Variants in POLR1C observed in about 807,000 individuals in gnomAD.
The protein encoded by POLR1C is DNA-directed RNA polymerases I and III subunit RPAC1.
POLR1C carries 42 observed loss-of-function variants against 38.3 expected under a neutral mutation model. The observed-to-expected ratio is 1.10, with a 90% confidence interval of 0.86 to 1.42. POLR1C has a LOEUF of 1.42. Among genes scored for constraint, POLR1C ranks in the 40% most tolerant of loss-of-function variants. The pLI is 0.00. For missense variants in POLR1C, 507 were observed against 450.5 expected, an observed-to-expected ratio of 1.13 and a Z score of -1.14; for synonymous variants, 163 against 163.9, an observed-to-expected ratio of 0.99 and a Z score of 0.04.
At chr6:43,533,324 G>A (rs1794120782), downstream of POLR1C, 1 of 151,346 alleles carries the variant, frequency 6.6e-6, no homozygotes, top group African/African-American at 2.4e-5. Flanking sequence ...ATTTATAATT[G>A]AATGGCTGTA....
chr6:43,549,411 T>G, intron 9 of POLR1C: 1 of 1,395,396 alleles, frequency 7.2e-7, no homozygotes, highest in South Asian at 1.4e-5. Context: ...TTTTTCTTTA[T>G]GTGAGGTACA....
rs755052091 is a variant in POLR1C, at chr6:43,539,175, G to T, written c.*4+9816G>T. ...GTCACCTTGCAGGGGACGGTGTGGG[G>T]CTTGCCGATCTTGTTCCCCTAGTAG... On this transcript the variant is annotated intron_variant, in intron 9 of 10. Transcript: ENST00000607635. 749 of 1,113,664 alleles carry T rather than the reference G, an allele frequency of 6.7e-4. 1 individual carries two copies. The highest frequency in any genetic ancestry group is 5.1e-4 in the Non-Finnish European group (388 of 757,714). 69.0% of individuals were successfully genotyped at this position (1,113,664 alleles called of 1,614,324 possible). A position where few individuals can be genotyped will look rare whatever the true frequency, so the allele number is the denominator to read the frequency against.
intron 10 of POLR1C, chr6:43,560,125 T>A: frequency 6.3e-7 from 1 of 1,583,628 alleles, no homozygotes; most frequent in Non-Finnish European, 8.6e-7. Flanking sequence ...AGCCTCAAAG[T>A]CTTATTATGT....
At chr6:43,548,172 C>T in intron 9 of POLR1C, 1 of 1,322,764 alleles carries the variant, frequency 7.6e-7, no homozygotes, top group South Asian at 1.6e-5. Flanking sequence ...ACTTCAATAT[C>T]CTTAACCCCT....
intron 8 of POLR1C, chr6:43,527,033 TCAAA>T (rs1345421114): frequency 5.8e-5 from 20 of 342,170 alleles, no homozygotes; most frequent in African/African-American, 1.8e-4. Context: ...ACTTTGAATC[TCAAA>T]CAAACAAAAT....
chr6:43,522,484 C>T (rs1050685202), downstream of POLR1C: 3 of 188,166 alleles, frequency 1.6e-5, no homozygotes, highest in South Asian at 1.5e-4. Flanking sequence ...ACTACATCCT[C>T]CACAGCCCCA....
chr6:43,556,037 A>C, intron 10 of POLR1C: 3 of 1,574,072 alleles, frequency 1.9e-6, no homozygotes, highest in Non-Finnish European at 2.6e-6. Flanking sequence ...ATGTTTATTA[A>C]TTTACCACCC....
At chr6:43,544,838 T>C (rs1794886196) in intron 9 of POLR1C, among the ~76,000 whole-genome samples, 1 of 152,186 alleles carries the variant, frequency 6.6e-6, no homozygotes, top group Admixed American at 6.6e-5. Flanking sequence ...CAGAGATCTC[T>C]TTCCTCCTTT....
chr6:43,518,695 T>C (rs555980972), intron 2 of POLR1C, among the ~76,000 whole-genome samples: 136 of 152,282 alleles, frequency 8.9e-4, no homozygotes, highest in African/African-American at 2.9e-3. Context: ...GAGATTTTTT[T>C]CTTTGCTTTT....
At chr6:43,541,208 A>G (rs1392585637) in intron 9 of POLR1C, among the ~76,000 whole-genome samples, 4 of 152,224 alleles carry the variant, frequency 2.6e-5, no homozygotes, top group Non-Finnish European at 5.9e-5. Context: ...TAGGGTGACT[A>G]TAGTCAATAA....
chr6:43,531,441 G>C, downstream of POLR1C: 1 of 1,570,822 alleles, frequency 6.4e-7, no homozygotes. Flanking sequence ...AATACATATC[G>C]AGGAAGAAAA....
chr6:43,526,123 G>A (rs889192314), downstream of POLR1C: 15 of 563,828 alleles, frequency 2.7e-5, no homozygotes, highest in Admixed American at 3.9e-4. Flanking sequence ...CTGTACATGA[G>A]GGAAATGGGA....
At chr6:43,553,540 C>T (rs914688263) in intron 10 of POLR1C, 14 of 1,538,408 alleles carry the variant, frequency 9.1e-6, no homozygotes, top group East Asian at 4.9e-5. Flanking sequence ...CACACACACA[C>T]ACACACACAA....
rs542915278 is a variant in POLR1C, at chr6:43,521,506, C to CA, written c.*213dup. 74 of 1,337,994 alleles carry CA rather than the reference C, an allele frequency of 5.5e-5. 1 individual carries two copies. In the South Asian group the frequency reaches 9.5e-4, roughly 17 times the overall value. The allele number at this position is 1,337,994 out of a possible 1,614,324, so 82.9% of individuals were successfully genotyped here. A position where few individuals can be genotyped will look rare whatever the true frequency, so the allele number is the denominator to read the frequency against. On this transcript the variant is annotated 3_prime_UTR_variant, in exon 9 of 9. Transcript: ENST00000642195. ...TTAGATGTAAATAAACTCACCCAAA[C>CA]AAAAAAACTTTTTGAGACTACTTTT...
chr6:43,520,732 A>G lies in POLR1C; in HGVS notation c.763A>G (p.Arg255Gly), dbSNP rs1793121150. 6.2e-7 allele frequency: 1 copy of G among 1,614,172 alleles called. No homozygotes were observed. The change falls in exon 7 of 9, where the codon AGG (arginine) becomes GGG (glycine). Residue 255 changes from arginine to glycine, a missense_variant. Coordinates refer to ENST00000642195, the MANE Select transcript of POLR1C (RefSeq NM_203290.4). ...VEGEAAEELS[R>G]CFSPGVIEVQ... is the part of the protein sequence containing the mutation. ...AGGGGAGGCAGCTGAGGAGTTGAGCAGGTGCTTCTCACCTGGTGTTATTGA... is the reference window on the plus strand; with the variant it reads ...AGGGGAGGCAGCTGAGGAGTTGAGCGGGTGCTTCTCACCTGGTGTTATTGA...
chr6:43,548,359 G>A, intron 9 of POLR1C: 1 of 1,613,754 alleles, frequency 6.2e-7, no homozygotes, highest in Non-Finnish European at 8.5e-7. Context: ...GGTTGCTAAT[G>A]AGAACCAGGG....
chr6:43,538,908 A>G, intron 9 of POLR1C: 1 of 1,223,166 alleles, frequency 8.2e-7, no homozygotes, highest in South Asian at 1.2e-5. Flanking sequence ...AATTCCTGAT[A>G]GGGAGACTTG....
At chr6:43,533,666 G>A, downstream of POLR1C, 1 of 299,890 alleles carries the variant, frequency 3.3e-6, no homozygotes, top group Non-Finnish European at 6.6e-6. Flanking sequence ...GCAAGACTCT[G>A]TCTCAACAAA....
At chr6:43,517,476 C>T (rs1792894001) in intron 2 of POLR1C, 99 bp downstream of exon 2, 2 of 1,031,688 alleles carry the variant, frequency 1.9e-6, no homozygotes, top group Non-Finnish European at 1.5e-6. Context: ...GGGGGTCGCT[C>T]CGTTTGTAAG....
Sources: allele counts gnomAD v4.1 joint callset (sites outside exome capture counted in the v4.1 genomes callset), GRCh38; gene constraint gnomAD v4.1.1; transcripts MANE v1.5; gene names NCBI Gene and HGNC (gene_info 2026-07-23, HGNC 2026-07-21).